Variants in SOAT1 observed in about 807,000 individuals in gnomAD.
SOAT1 encodes acyl-coenzyme A:cholesterol acyltransferase 1.
A neutral mutation model predicts 69.5 loss-of-function variants in SOAT1; 55 were observed. That is an observed-to-expected ratio of 0.79 (90% confidence interval 0.64 to 0.99). The LOEUF (loss-of-function observed/expected upper bound fraction) is 0.99. Among genes scored for constraint, SOAT1 ranks in the 50% least tolerant of loss-of-function variants. The probability of loss-of-function intolerance (pLI) is 0.00; values close to 1 mark genes in which losing one functional copy is unlikely to be tolerated. For synonymous variants in SOAT1, 231 were observed against 224.7 expected (o/e 1.03, Z -0.25); for missense variants, 580 against 669.3 (o/e 0.87, Z 1.47).
chr1:179,313,860 A>G (rs977711406), intron 2 of SOAT1, among the ~76,000 whole-genome samples: 8 of 152,220 alleles, frequency 5.3e-5, no homozygotes, highest in African/African-American at 1.9e-4. Context: ...CTGGGATTAC[A>G]GGTGTGAGCC....
At chr1:179,306,628 C>T (rs1472438778) in intron 2 of SOAT1, among the ~76,000 whole-genome samples, 1 of 151,868 alleles carries the variant, frequency 6.6e-6, no homozygotes, top group South Asian at 2.1e-4. Flanking sequence ...GTCAGGAGAT[C>T]AAGACCATCC....
chr1:179,317,488 G>A (rs907376306), intron 2 of SOAT1, among the ~76,000 whole-genome samples: 45 of 145,494 alleles, frequency 3.1e-4, no homozygotes, highest in African/African-American at 9.3e-4. Flanking sequence ...AGCCGAGATC[G>A]CGCCACTACC....
intron 2 of SOAT1, among the ~76,000 whole-genome samples, chr1:179,319,197 A>G (rs1167254353): frequency 6.8e-6 from 1 of 146,102 alleles, no homozygotes; most frequent in Non-Finnish European, 1.5e-5. Context: ...ATGGCCAGGG[A>G]TGTTGAGTGT....
chr1:179,331,527 C>T (rs1665974393), intron 3 of SOAT1, among the ~76,000 whole-genome samples: 1 of 152,150 alleles, frequency 6.6e-6, no homozygotes, highest in Non-Finnish European at 1.5e-5. Context: ...CATTTGAGGC[C>T]AGGAGTTCGA....
intron 2 of SOAT1, 95 bp downstream of exon 2, chr1:179,302,897 T>C: frequency 3.2e-6 from 2 of 628,316 alleles, no homozygotes; most frequent in Non-Finnish European, 5.4e-6. Flanking sequence ...AATTCTTTAT[T>C]GTAAATGGGT....
At position 179,354,251 on chromosome 1, in the gene SOAT1, A is replaced by G. The variant is rs1571464727; in HGVS notation, c.*610A>G. 2.0e-5 allele frequency: 3 copies of G among 152,670 alleles called. No individual in the cohort carries two copies. The highest frequency in any genetic ancestry group is 7.2e-5 in the African/African-American group (3 of 41,438). The allele number at this position is 152,670 out of a possible 1,614,324, so 9.5% of individuals were successfully genotyped here. ...CCTTAGTTTTTACCTTGTTTTCTCT[A>G]TAGGTCATGATTTCTGTGAAGCAAA... On this transcript the variant is annotated 3_prime_UTR_variant, in exon 16 of 16. Coordinates refer to ENST00000367619, the MANE Select transcript of SOAT1 (RefSeq NM_003101.6).
intron 11 of SOAT1, among the ~76,000 whole-genome samples, chr1:179,345,601 C>T (rs1379236794): frequency 6.6e-6 from 1 of 150,806 alleles, no homozygotes; most frequent in Non-Finnish European, 1.5e-5. Context: ...CTCTCTTTGT[C>T]ACCCAGTCTG....
rs770077356 is a variant in SOAT1 at position 179,342,159 on chromosome 1, C to T, written c.826C>T (p.Pro276Ser). ...KAHSFVRENV[P>S]RVLNSAKEKS... ...CCACTCATTTGTCAGAGAGAACGTG[C>T]CTCGGGTACTAAATTCAGCTAAGGA... is the stretch of plus-strand genomic sequence containing the variant. Residue 276 changes from proline (P) to serine (S), a missense_variant, in exon 8 of 16, where the codon CCT (proline) becomes TCT (serine). Transcript: ENST00000367619. 1.9e-6 allele frequency: 3 copies of T among 1,613,232 alleles called. No homozygotes were observed. The highest frequency in any genetic ancestry group is 2.5e-6 in the Non-Finnish European group (3 of 1,179,576).
At position 179,297,405 on chromosome 1, in the gene SOAT1, C is replaced by T. The variant is rs560961146; in HGVS notation, c.-9+3469C>T. ...AGGCTGGAGTGCAGTGGCGCGATCT[C>T]GGCTCACTGCAACCTCCGCCTCCTG... On this transcript the variant is annotated intron_variant, in intron 1 of 15. Transcript: ENST00000367619. Among the ~76,000 whole-genome samples the T allele has an allele frequency of 7.2e-3, 1,088 of 152,162 alleles. 7 individuals carry two copies. The highest frequency in any genetic ancestry group is 0.027 in the Middle Eastern group (8 of 294).
At chr1:179,342,338 TTTTTC>T (rs1332693525) in intron 8 of SOAT1, 146 bp downstream of exon 8, 7 of 558,748 alleles carry the variant, frequency 1.3e-5, no homozygotes, top group South Asian at 1.1e-4. Context: ...TCTCTCTCTC[TTTTTC>T]TTTTCTTTTC....
At chr1:179,308,131 T>C (rs1011396266) in intron 2 of SOAT1, among the ~76,000 whole-genome samples, 1 of 152,190 alleles carries the variant, frequency 6.6e-6, no homozygotes, top group East Asian at 1.9e-4. Context: ...TCCACTCTTC[T>C]GTCCCAGTTC....
intron 2 of SOAT1, among the ~76,000 whole-genome samples, chr1:179,320,368 C>T (rs1241741061): frequency 2.6e-5 from 4 of 151,708 alleles, no homozygotes; most frequent in Non-Finnish European, 4.4e-5. Flanking sequence ...TATTTCTGGA[C>T]TCTCAGTTCT....
chr1:179,316,313 G>A (rs1341642724), intron 2 of SOAT1, among the ~76,000 whole-genome samples: 1 of 148,874 alleles, frequency 6.7e-6, no homozygotes, highest in African/African-American at 2.5e-5. Flanking sequence ...TTGCGTAGTT[G>A]ATATTCTTTC....
At chr1:179,303,058 G>C (rs775361438) in intron 2 of SOAT1, among the ~76,000 whole-genome samples, 1 of 152,124 alleles carries the variant, frequency 6.6e-6, no homozygotes, top group African/African-American at 2.4e-5. Context: ...GAGGTCCCCC[G>C]CTGGATGCTG....
chr1:179,317,216 A>G (rs1461024521), intron 2 of SOAT1, among the ~76,000 whole-genome samples: 19 of 152,186 alleles, frequency 1.2e-4, no homozygotes, highest in Admixed American at 1.1e-3. Context: ...AATATACAAT[A>G]GCAATTGTCA....
Position 179,344,953 on chromosome 1 carries a change from G to A in SOAT1, c.994G>A (p.Gly332Ser), listed in dbSNP as rs748308938. Reference protein sequence around the residue: ...YVAMKFAQVFGCFFYVYYIFE... With the variant: ...YVAMKFAQVFSCFFYVYYIFE... ...TGTCTCTGTTATGTTCCAGGTCTTT[G>A]GTTGCTTTTTCTATGTGTACTACAT... Residue 332 changes from glycine (G) to serine (S), a missense_variant, in exon 11 of 16, where the codon GGT (glycine) becomes AGT (serine). Gly to Ser is a moderately conservative substitution (Grantham distance 56). Coordinates refer to ENST00000367619, the MANE Select transcript of SOAT1 (RefSeq NM_003101.6). 6.2e-7 allele frequency: 1 copy of A among 1,613,972 alleles called. No homozygotes were observed.
rs564481851 is a variant in SOAT1, at chr1:179,299,913, C to A, written c.-8-2764C>A. 6.8e-3 allele frequency among the ~76,000 whole-genome samples: 1,013 copies of A among 148,152 alleles called. 18 individuals are homozygous for A. The highest frequency in any genetic ancestry group is 0.024 in the African/African-American group (973 of 40,338). ...GGACTACAGGCGCCTGCCCCCATGC[C>A]CAGCTAATTTTTTTTTTTTTTGTAT... is the stretch of plus-strand genomic sequence containing the variant. On this transcript the variant is annotated intron_variant, in intron 1 of 15. Transcript: ENST00000367619.
chr1:179,316,500 G>A (rs998301273), intron 2 of SOAT1, among the ~76,000 whole-genome samples: 2 of 152,126 alleles, frequency 1.3e-5, no homozygotes, highest in African/African-American at 4.8e-5. Context: ...GGGTTCAAGC[G>A]ATACTCCTGC....
chr1:179,335,589 A>G lies in SOAT1; in HGVS notation c.261A>G (p.Leu87=). The part of the protein sequence containing the change: ...VTNLIEKSAS[L]DNGGCALTTF... ...ATCTCATTGAAAAGTCAGCATCATT[A>G]GATAATGGTGGGTGCGCTCTCACAA... Residue 87 remains leucine (L), a synonymous_variant, in exon 4 of 16, where the codon TTA becomes TTG. Coordinates refer to ENST00000367619, the MANE Select transcript of SOAT1 (RefSeq NM_003101.6). 2 of 1,614,036 alleles carry G rather than the reference A, an allele frequency of 1.2e-6. No homozygotes were observed. Among genetic ancestry groups the G allele is most frequent in the Non-Finnish European group, 1.7e-6 (2 of 1,179,886 alleles).
Sources: allele counts gnomAD v4.1 joint callset (sites outside exome capture counted in the v4.1 genomes callset), GRCh38; gene constraint gnomAD v4.1.1; transcripts MANE v1.5; gene names NCBI Gene and HGNC (gene_info 2026-07-23, HGNC 2026-07-21).